CD99L2: variants seen among roughly 807,000 people sequenced by gnomAD.
CD99L2 encodes CD99 molecule like 2, also known as CD99 antigen-like protein 2.
Under a neutral mutation model 27.3 loss-of-function variants are expected in CD99L2, and 24 were observed. That is an observed-to-expected ratio of 0.88 (90% confidence interval 0.64 to 1.24). The LOEUF (loss-of-function observed/expected upper bound fraction) is 1.24, where lower values mean the gene tolerates loss of function less well. Ranked by LOEUF, CD99L2 falls within the 50% of genes most tolerant of loss-of-function variation. The probability of loss-of-function intolerance (pLI) is 0.00; values close to 1 mark genes in which losing one functional copy is unlikely to be tolerated. For missense variants in CD99L2, 255 were observed against 221.6 expected, an observed-to-expected ratio of 1.15 and a Z score of -0.96; for synonymous variants, 97 against 87.9, an observed-to-expected ratio of 1.10 and a Z score of -0.58.
At chrX:150,794,987 T>C (rs1171784079) in intron 6 of CD99L2, among the ~76,000 whole-genome samples, 15 of 112,760 alleles carry the variant, frequency 1.3e-4, no homozygotes. Context: ...CAGTTTTAAA[T>C]TCTAAGATGA....
At chrX:150,833,004 G>A (rs1237246717) in intron 1 of CD99L2, among the ~76,000 whole-genome samples, 3 of 104,601 alleles carry the variant, frequency 2.9e-5, no homozygotes, top group Non-Finnish European at 5.9e-5. Flanking sequence ...GCAGTAAGCC[G>A]AGATCGCGCC....
intron 1 of CD99L2, among the ~76,000 whole-genome samples, chrX:150,863,165 C>G (rs1212470184): frequency 8.9e-6 from 1 of 112,021 alleles, no homozygotes; most frequent in African/African-American, 3.2e-5. Flanking sequence ...GAACATTACA[C>G]CATGGTTCTG....
At position 150,889,924 on chromosome X, in the gene CD99L2, G is replaced by T. The variant is rs1310742116; in HGVS notation, c.67+8598C>A. On this transcript the variant is annotated intron_variant, in intron 1 of 10. Coordinates refer to ENST00000370377, the MANE Select transcript of CD99L2 (RefSeq NM_031462.4). Reference sequence around the variant, plus strand: ...TCCCAGCACTTTGGGAGGCCGAGGCGGGCGGATCACAAGGTCAGGAGATCG... The same window carrying T: ...TCCCAGCACTTTGGGAGGCCGAGGCTGGCGGATCACAAGGTCAGGAGATCG... Among the ~76,000 whole-genome samples the T allele has an allele frequency of 3.8e-5, 4 of 106,233 alleles. No individual in the cohort carries two copies. The Admixed American group carries it at 4.1e-4, about 11-fold the overall frequency. The allele number at this position is 106,233 out of a possible 115,157, so 92.3% of individuals were successfully genotyped here.
Position 150,766,427 on chromosome X carries a change from T to C in CD99L2, c.*2607A>G, listed in dbSNP as rs1045457925. The stretch of plus-strand genomic sequence containing the variant: ...ACGTGAACAGATGTACAGGGAATTC[T>C]GGAATTTTGAGATCAGTCCCCATTT... On this transcript the variant is annotated 3_prime_UTR_variant, in exon 11 of 11. Transcript: ENST00000370377. 9.0e-6 allele frequency: 1 copy of C among 110,968 alleles called. No homozygotes were observed. Among genetic ancestry groups the C allele is most frequent in the Non-Finnish European group, 1.9e-5 (1 of 52,972 alleles). 9.1% of individuals were successfully genotyped at this position (110,968 alleles called of 1,213,427 possible).
At chrX:150,859,477 C>A (rs1557421839) in intron 1 of CD99L2, among the ~76,000 whole-genome samples, 1 of 105,682 alleles carries the variant, frequency 9.5e-6, no homozygotes, top group Admixed American at 1.0e-4. Flanking sequence ...CCAGCCCAGG[C>A]AACAACAGCG....
At chrX:150,893,365 G>A (rs2047551392) in intron 1 of CD99L2, among the ~76,000 whole-genome samples, 2 of 109,810 alleles carry the variant, frequency 1.8e-5, no homozygotes, top group African/African-American at 6.6e-5. Flanking sequence ...ACTCGGGCAG[G>A]CAGGGTTAAG....
intron 1 of CD99L2, among the ~76,000 whole-genome samples, chrX:150,893,207 C>T: frequency 8.9e-6 from 1 of 112,033 alleles, no homozygotes; most frequent in East Asian, 2.8e-4. Flanking sequence ...CCAGTCAAAG[C>T]AGGTAAGACT....
At position 150,791,723 on chromosome X, in the gene CD99L2, C is replaced by G. The variant is rs185984010; in HGVS notation, c.496+1968G>C. Among the ~76,000 whole-genome samples, 148 of 110,562 alleles carry G rather than the reference C, an allele frequency of 1.3e-3. No homozygotes were observed. In the Middle Eastern group the frequency reaches 0.046, roughly 34 times the overall value. On this transcript the variant is annotated intron_variant, in intron 7 of 10. Coordinates refer to ENST00000370377, the MANE Select transcript of CD99L2 (RefSeq NM_031462.4). ...CAATCAGAGTCCTGCCCAGGCTGGGCAGGAAGGAAATAAGGGCGGAGGAGG... is the reference window on the plus strand; with the variant it reads ...CAATCAGAGTCCTGCCCAGGCTGGGGAGGAAGGAAATAAGGGCGGAGGAGG...
intron 7 of CD99L2, among the ~76,000 whole-genome samples, chrX:150,789,434 A>C (rs899321660): frequency 3.6e-5 from 4 of 112,016 alleles, no homozygotes; most frequent in Non-Finnish European, 5.6e-5. Context: ...TGAATTCTTT[A>C]TATCATCTGA....
chrX:150,793,293 C>G (rs2045725202), intron 7 of CD99L2, among the ~76,000 whole-genome samples: 1 of 112,219 alleles, frequency 8.9e-6, no homozygotes, highest in South Asian at 3.7e-4. Flanking sequence ...TGCTATGGGT[C>G]TCTTAAAAAA....
intron 1 of CD99L2, among the ~76,000 whole-genome samples, chrX:150,885,638 T>C (rs1349283270): frequency 2.7e-5 from 3 of 112,521 alleles, no homozygotes; most frequent in African/African-American, 6.5e-5. Flanking sequence ...TGTATTACTC[T>C]TGTAATTGTG....
intron 9 of CD99L2, among the ~76,000 whole-genome samples, chrX:150,773,802 G>A (rs1187424907): frequency 8.9e-6 from 1 of 112,721 alleles, no homozygotes; most frequent in Non-Finnish European, 1.9e-5. Flanking sequence ...GAGCCACTCA[G>A]TTTGTGACTC....
intron 1 of CD99L2, among the ~76,000 whole-genome samples, chrX:150,835,135 T>C (rs1342122016): frequency 8.9e-6 from 1 of 111,951 alleles, no homozygotes; most frequent in Non-Finnish European, 1.9e-5. Context: ...ACACAAAGTT[T>C]CAGTTAGACA....
chrX:150,775,470 T>G (rs1329907899), intron 9 of CD99L2, among the ~76,000 whole-genome samples: 2 of 112,412 alleles, frequency 1.8e-5, no homozygotes, highest in African/African-American at 6.5e-5. Flanking sequence ...AAGACAGGAT[T>G]CCATTTGTAA....
At chrX:150,874,019 G>A (rs2047194416) in intron 1 of CD99L2, among the ~76,000 whole-genome samples, 1 of 112,733 alleles carries the variant, frequency 8.9e-6, no homozygotes. Context: ...TATAGAACCA[G>A]GAAGTTAGCA....
chrX:150,856,083 T>G (rs1247643871), intron 1 of CD99L2, among the ~76,000 whole-genome samples: 2 of 112,887 alleles, frequency 1.8e-5, no homozygotes, highest in African/African-American at 6.4e-5. Flanking sequence ...CTGGCTGTGG[T>G]GATTCCCTGA....
At chrX:150,772,986 A>C (rs1296601101) in intron 9 of CD99L2, among the ~76,000 whole-genome samples, 1 of 112,416 alleles carries the variant, frequency 8.9e-6, no homozygotes, top group African/African-American at 3.2e-5. Context: ...CAATTCGCAA[A>C]ACCTCACACT....
intron 2 of CD99L2, among the ~76,000 whole-genome samples, chrX:150,830,795 ATTTCTTTTCT>A (rs782296915): frequency 3.6e-5 from 4 of 110,386 alleles, no homozygotes; most frequent in African/African-American, 6.6e-5. Flanking sequence ...TAATACAACC[ATTTCTTTTCT>A]TTTCTTTTCT....
chrX:150,862,886 G>GAAAGAAAAGAAAAGAAAAGA (rs782333031), intron 1 of CD99L2, among the ~76,000 whole-genome samples: 13 of 108,759 alleles, frequency 1.2e-4, no homozygotes, highest in African/African-American at 2.7e-4. Context: ...GAAAAAGAAA[G>GAAAGAAAAGAAAAGAAAAGA]AAAGAAAAGA....
Sources: allele counts gnomAD v4.1 joint callset (sites outside exome capture counted in the v4.1 genomes callset), GRCh38; gene constraint gnomAD v4.1.1; transcripts MANE v1.5; gene names NCBI Gene and HGNC (gene_info 2026-07-23, HGNC 2026-07-21).